The following ILRUN variants were observed in gnomAD, a reference collection of about 807,000 sequenced individuals.
The protein encoded by ILRUN is inflammation and lipid regulator with UBA-like and NBR1-like domains.
ILRUN carries 3 observed loss-of-function variants against 33.8 expected under a neutral mutation model. The ratio of observed to expected loss-of-function variants is 0.09; its 90% CI spans 0.04 to 0.23. The LOEUF is 0.23. Among genes scored for constraint, ILRUN ranks in the 10% least tolerant of loss-of-function variants. The pLI, the probability that ILRUN is intolerant of heterozygous loss-of-function variation, is 1.00. For missense variants in ILRUN, 210 were observed against 375.1 expected (o/e 0.56, Z 3.64); for synonymous variants, 124 against 138.9 (o/e 0.89, Z 0.75).
chr6:34,611,691 C>T (rs2127327427), intron 3 of ILRUN, among the ~76,000 whole-genome samples: 1 of 152,252 alleles, frequency 6.6e-6, no homozygotes, highest in South Asian at 2.1e-4. Flanking sequence ...AGATACTTTA[C>T]CATCTGTTAT....
At chr6:34,606,514 A>G in intron 4 of ILRUN, 41 bp downstream of exon 4, 1 of 1,538,568 alleles carries the variant, frequency 6.5e-7, no homozygotes, top group Non-Finnish European at 8.9e-7. Context: ...ACAAGTCCCA[A>G]GGCCCACCAC....
chr6:34,630,572 T>C (rs2127348204), intron 3 of ILRUN, among the ~76,000 whole-genome samples: 1 of 152,274 alleles, frequency 6.6e-6, no homozygotes, highest in South Asian at 2.1e-4. Flanking sequence ...TTAATAGAGA[T>C]GGGGTTGCAC....
chr6:34,614,457 A>T (rs796110840), intron 3 of ILRUN, among the ~76,000 whole-genome samples: 18,300 of 131,386 alleles, frequency 0.14, 1,956 homozygotes, highest in African/African-American at 0.3. Context: ...TATATATATA[A>T]AATGTATATT....
At chr6:34,682,110 T>C (rs1763373913) in intron 1 of ILRUN, among the ~76,000 whole-genome samples, 1 of 150,126 alleles carries the variant, frequency 6.7e-6, no homozygotes, top group African/African-American at 2.5e-5. Flanking sequence ...CCTGACTTCA[T>C]GATCCGCCCG....
At chr6:34,673,606 G>A (rs1763159928) in intron 1 of ILRUN, among the ~76,000 whole-genome samples, 1 of 152,078 alleles carries the variant, frequency 6.6e-6, no homozygotes, top group Admixed American at 6.6e-5. Flanking sequence ...TGCCTGTAAT[G>A]CCAGCACTTT....
At chr6:34,686,448 C>T (rs887696814) in intron 1 of ILRUN, among the ~76,000 whole-genome samples, 4 of 150,226 alleles carry the variant, frequency 2.7e-5, no homozygotes, top group African/African-American at 9.8e-5. Flanking sequence ...TGCAGTGAGC[C>T]GAGATCGCGC....
At chr6:34,629,890 G>A (rs1762210076) in intron 3 of ILRUN, among the ~76,000 whole-genome samples, 1 of 152,100 alleles carries the variant, frequency 6.6e-6, no homozygotes, top group Non-Finnish European at 1.5e-5. Context: ...ATGGATGCCT[G>A]AAAGTATGGA....
chr6:34,601,708 C>CG (rs893248739), intron 4 of ILRUN, among the ~76,000 whole-genome samples: 13 of 111,028 alleles, frequency 1.2e-4, no homozygotes, highest in African/African-American at 4.9e-4. Flanking sequence ...AGTACCCGCC[C>CG]CCCCAACTAC....
intron 1 of ILRUN, among the ~76,000 whole-genome samples, chr6:34,676,375 G>A (rs571289500): frequency 5.4e-4 from 79 of 146,232 alleles, no homozygotes; most frequent in African/African-American, 2.0e-3. Context: ...CTCTAGCCTG[G>A]GCAACAGAGC....
chr6:34,637,864 C>CTGCTGTTGTTGT (rs749114775), intron 3 of ILRUN, among the ~76,000 whole-genome samples: 3,189 of 141,954 alleles, frequency 0.022, 57 homozygotes, highest in East Asian at 0.051. Flanking sequence ...GCTGCTGCTG[C>CTGCTGTTGTTGT]TGTTGTTGTT....
intron 1 of ILRUN, among the ~76,000 whole-genome samples, chr6:34,691,806 A>G (rs1279345446): frequency 1.3e-5 from 2 of 152,136 alleles, no homozygotes; most frequent in Non-Finnish European, 2.9e-5. Context: ...AAAAAAAAAA[A>G]GAAGTATCTA....
intron 4 of ILRUN, among the ~76,000 whole-genome samples, chr6:34,602,172 A>AT (rs772056520): frequency 6.6e-5 from 10 of 152,140 alleles, no homozygotes; most frequent in Non-Finnish European, 1.3e-4. Flanking sequence ...AAGTAACAAA[A>AT]TAAGTGAATT....
At chr6:34,593,572 T>C (rs1761337891) in intron 4 of ILRUN, among the ~76,000 whole-genome samples, 1 of 152,258 alleles carries the variant, frequency 6.6e-6, no homozygotes, top group Admixed American at 6.5e-5. Context: ...ATTATGGTTA[T>C]TGTTGATCCT....
intron 1 of ILRUN, among the ~76,000 whole-genome samples, chr6:34,680,299 A>C (rs1763332552): frequency 6.6e-6 from 1 of 152,222 alleles, no homozygotes; most frequent in African/African-American, 2.4e-5. Flanking sequence ...CACTTTTATA[A>C]AGCAAGCACA....
intron 1 of ILRUN, among the ~76,000 whole-genome samples, chr6:34,657,407 C>T (rs1762796276): frequency 6.6e-6 from 1 of 152,212 alleles, no homozygotes; most frequent in Admixed American, 6.5e-5. Context: ...AGTCAAGCTA[C>T]CCAACTTAGG....
intron 3 of ILRUN, among the ~76,000 whole-genome samples, chr6:34,621,583 G>C (rs1043266368): frequency 7.9e-5 from 12 of 152,160 alleles, no homozygotes; most frequent in African/African-American, 2.9e-4. Flanking sequence ...AAGTGGCCCG[G>C]CATGGTGGCT....
At chr6:34,630,373 T>C (rs1419851152) in intron 3 of ILRUN, among the ~76,000 whole-genome samples, 1 of 152,158 alleles carries the variant, frequency 6.6e-6, no homozygotes, top group Non-Finnish European at 1.5e-5. Flanking sequence ...GGGAGGCTAC[T>C]GTATTCTGGG....
At chr6:34,617,319 T>C (rs1460804119) in intron 3 of ILRUN, 1 of 320,084 alleles carries the variant, frequency 3.1e-6, no homozygotes, top group Non-Finnish European at 6.0e-6. Context: ...CGCTCTCAAA[T>C]TGAAAAAAAA....
intron 3 of ILRUN, among the ~76,000 whole-genome samples, chr6:34,640,884 G>C (rs1450465102): frequency 6.6e-6 from 1 of 151,236 alleles, no homozygotes; most frequent in Non-Finnish European, 1.5e-5. Context: ...TTCAAAACCA[G>C]CCTAGACAAC....
Sources: gnomAD v4.1 joint callset for allele counts (sites outside exome capture counted in the v4.1 genomes callset) on GRCh38, gnomAD v4.1.1 for gene constraint, MANE v1.5 for transcripts, NCBI Gene and HGNC (gene_info 2026-07-23, HGNC 2026-07-21) for gene names.